The following TGFBRAP1 variants were observed in gnomAD, a reference collection of about 807,000 sequenced individuals.
The protein encoded by TGFBRAP1 is transforming growth factor beta receptor associated protein 1, also known as transforming growth factor-beta receptor-associated protein 1.
TGFBRAP1 carries 20 observed loss-of-function variants against 83.2 expected under a neutral mutation model. That is an observed-to-expected ratio of 0.24 (90% confidence interval 0.17 to 0.35). The LOEUF (loss-of-function observed/expected upper bound fraction) is 0.35, where lower values mean the gene tolerates loss of function less well. TGFBRAP1 is among the 10% of genes least tolerant of loss of function. TGFBRAP1 has a pLI of 1.00. For missense variants in TGFBRAP1, 950 were observed against 1,099.4 expected (o/e 0.86, Z 1.92); for synonymous variants, 415 against 459.8 (o/e 0.90, Z 1.25).
chr2:105,251,639 G>A, the TGFBRAP1 span, among the ~76,000 whole-genome samples: 1 of 152,208 alleles, frequency 6.6e-6, no homozygotes, highest in Non-Finnish European at 1.5e-5. Flanking sequence ...CCGTCTGGGA[G>A]GTGTACTCAA....
chr2:105,313,414 T>C (rs1678754108), intron 1 of TGFBRAP1, among the ~76,000 whole-genome samples: 1 of 152,234 alleles, frequency 6.6e-6, no homozygotes, highest in Non-Finnish European at 1.5e-5. Context: ...TCTGATTTAA[T>C]AGACACTGTC....
chr2:105,251,033 G>A, the TGFBRAP1 span, among the ~76,000 whole-genome samples: 8 of 152,220 alleles, frequency 5.3e-5, no homozygotes, highest in African/African-American at 1.9e-4. Context: ...GCCTGCCTTG[G>A]CCTCCCAAAG....
chr2:105,282,363 G>A (rs977947419), intron 5 of TGFBRAP1, among the ~76,000 whole-genome samples: 1 of 152,230 alleles, frequency 6.6e-6, no homozygotes, highest in African/African-American at 2.4e-5. Flanking sequence ...TTTCTCTTAA[G>A]TTTCAACCAT....
chr2:105,318,354 C>T (rs1866041), intron 1 of TGFBRAP1, among the ~76,000 whole-genome samples: 2 of 151,982 alleles, frequency 1.3e-5, no homozygotes, highest in African/African-American at 4.8e-5. Context: ...AGATTCCCAA[C>T]GGTCAGTAAT....
intron 1 of TGFBRAP1, among the ~76,000 whole-genome samples, chr2:105,315,875 C>T (rs1383003303): frequency 6.6e-6 from 1 of 152,088 alleles, no homozygotes; most frequent in Non-Finnish European, 1.5e-5. Flanking sequence ...TCTATATCCA[C>T]AAAAAGACCT....
At chr2:105,274,534 T>C (rs1242296399) in intron 8 of TGFBRAP1, among the ~76,000 whole-genome samples, 1 of 152,246 alleles carries the variant, frequency 6.6e-6, no homozygotes, top group African/African-American at 2.4e-5. Context: ...GTTTAAGCGA[T>C]GACCTTTGTC....
At chr2:105,262,701 G>A (rs1327395089), downstream of TGFBRAP1, among the ~76,000 whole-genome samples, 3 of 152,172 alleles carry the variant, frequency 2.0e-5, no homozygotes, top group Non-Finnish European at 4.4e-5. Flanking sequence ...CTGTTGAGTT[G>A]CGTGCGTTGC....
intron 2 of TGFBRAP1, among the ~76,000 whole-genome samples, chr2:105,303,217 C>G (rs1037749257): frequency 1.3e-5 from 2 of 152,192 alleles, no homozygotes; most frequent in African/African-American, 2.4e-5. Context: ...CTTGCTTGAG[C>G]CCAGGAGTTC....
chr2:105,280,244 T>C, intron 6 of TGFBRAP1, 138 bp downstream of exon 6: 1 of 841,232 alleles, frequency 1.2e-6, no homozygotes, highest in South Asian at 1.8e-5. Context: ...CACTATGATT[T>C]CGTGGCAGTC....
In TGFBRAP1 at chr2:105,269,005, T is replaced by G. The variant is rs1273807072; in HGVS notation, c.2406+267A>C. 6.6e-6 allele frequency among the ~76,000 whole-genome samples: 1 copy of G among 152,206 alleles called. No homozygotes were observed. Among genetic ancestry groups the G allele is most frequent in the Non-Finnish European group, 1.5e-5 (1 of 68,030 alleles). On this transcript the variant is annotated intron_variant, in intron 11 of 11. Coordinates refer to ENST00000393359, the MANE Select transcript of TGFBRAP1 (RefSeq NM_004257.6). The surrounding 1 kb of genome is among the most constrained non-coding windows in gnomAD (Gnocchi z 4.1). ...CACATGCTGGGTAAGCGCCTGATAT[T>G]CTGATGCTGCTCTCCTCCCTACAGA...
At chr2:105,287,878 T>G (rs1478005939) in intron 4 of TGFBRAP1, among the ~76,000 whole-genome samples, 1 of 151,896 alleles carries the variant, frequency 6.6e-6, no homozygotes, top group Non-Finnish European at 1.5e-5. Context: ...AAAATCAGAT[T>G]TTAAAAGGAA....
chr2:105,308,054 C>T lies in TGFBRAP1; in HGVS notation c.248G>A (p.Arg83His), dbSNP rs144133786. 2.0e-5 allele frequency: 33 copies of T among 1,613,772 alleles called. No individual in the cohort carries two copies. The highest frequency in any genetic ancestry group is 8.3e-5 in the Admixed American group (5 of 59,954). Residue 83 changes from arginine (R) to histidine (H), a missense_variant, in exon 2 of 12, where the codon CGT (arginine) becomes CAT (histidine). Arg to His is a conservative substitution (Grantham distance 29). Coordinates refer to ENST00000393359, the MANE Select transcript of TGFBRAP1 (RefSeq NM_004257.6). The stretch of plus-strand genomic sequence containing the variant: ...CAGCCTGTTGAGTGCTGAGGCCGCA[C>T]GCAGCTCGTTCACGGGCTTCTTGAA... ...LGFKKPVNELRAASALNRLLV... is the reference protein window; with the variant it reads ...LGFKKPVNELHAASALNRLLV...
intron 2 of TGFBRAP1, among the ~76,000 whole-genome samples, chr2:105,306,077 T>C (rs1249660326): frequency 2.6e-5 from 4 of 151,222 alleles, no homozygotes; most frequent in Admixed American, 2.6e-4. Flanking sequence ...TGTTTTTTTT[T>C]TTTTGAGACA....
Position 105,307,762 on chromosome 2 carries a change from C to T in TGFBRAP1, c.540G>A (p.Leu180=), listed in dbSNP as rs779102781. ...PLAVAVDGHF[L]CLALTTQYII... is the part of the protein sequence containing the mutation. ...TGTACTGAGTGGTCAGAGCCAGACA[C>T]AGGAAGTGGCCGTCCACAGCCACAG... The change falls in exon 2 of 12, where the codon CTG becomes CTA. Residue 180 remains leucine, a synonymous_variant. Coordinates refer to ENST00000393359, the MANE Select transcript of TGFBRAP1 (RefSeq NM_004257.6). 2.5e-6 allele frequency: 4 copies of T among 1,614,194 alleles called. No individual in the cohort carries two copies. In the South Asian group the frequency reaches 4.4e-5, roughly 18 times the overall value.
chr2:105,306,012 GA>G (rs1259632128), intron 2 of TGFBRAP1, among the ~76,000 whole-genome samples: 1 of 151,194 alleles, frequency 6.6e-6, no homozygotes, highest in African/African-American at 2.4e-5. Context: ...ACTCTTGTGG[GA>G]AAATCTTACC....
rs569882373 is a variant in TGFBRAP1 at position 105,289,904 on chromosome 2, T to A, written c.1039-5506A>T. Among the ~76,000 whole-genome samples the A allele has an allele frequency of 7.2e-5, 11 of 152,364 alleles. No homozygotes were observed. In the East Asian group the frequency reaches 2.1e-3, roughly 29 times the overall value. ...TCAATTTAAATTATTACAGGACACC[T>A]GAAAGTGTCCATTTCCCCACTTTCA... On this transcript the variant is annotated intron_variant, in intron 4 of 11. Transcript: ENST00000393359.
chr2:105,313,677 A>G (rs1258758284), intron 1 of TGFBRAP1, among the ~76,000 whole-genome samples: 2 of 152,180 alleles, frequency 1.3e-5, no homozygotes, highest in African/African-American at 4.8e-5. Flanking sequence ...CTGCAAAAAC[A>G]CTAAATATTA....
At chr2:105,250,615 CTCT>C in the TGFBRAP1 span, among the ~76,000 whole-genome samples, 1 of 134,852 alleles carries the variant, frequency 7.4e-6, no homozygotes, top group Non-Finnish European at 1.6e-5. Context: ...CCTCTCCCTC[CTCT>C]CCCTCTCCCT....
At chr2:105,299,436 AC>A (rs1356018228) in intron 2 of TGFBRAP1, among the ~76,000 whole-genome samples, 1 of 152,164 alleles carries the variant, frequency 6.6e-6, no homozygotes, top group Non-Finnish European at 1.5e-5. Flanking sequence ...TGCTCAAGTA[AC>A]ATGCTCTAGA....
Sources: allele counts gnomAD v4.1 joint callset (sites outside exome capture counted in the v4.1 genomes callset), GRCh38; gene constraint gnomAD v4.1.1; non-coding constraint Gnocchi (gnomAD v3.1); transcripts MANE v1.5; gene names NCBI Gene and HGNC (gene_info 2026-07-23, HGNC 2026-07-21).